Variants in CSMD3 observed in about 807,000 individuals in gnomAD.
CSMD3 encodes the protein CUB and sushi domain-containing protein 3.
In CSMD3, 177 loss-of-function variants were observed where a neutral mutation model predicts 435.2. The observed-to-expected ratio is 0.41, with a 90% CI of 0.36 to 0.46. CSMD3 has a LOEUF of 0.46. CSMD3 is among the 20% of genes least tolerant of loss of function. The pLI is 0.34. For synonymous variants in CSMD3, 1,656 were observed against 1,520.5 expected, an observed-to-expected ratio of 1.09 and a Z score of -2.07; for missense variants, 4,265 against 4,504.6, an observed-to-expected ratio of 0.95 and a Z score of 1.52.
intron 5 of CSMD3, among the ~76,000 whole-genome samples, chr8:113,096,754 A>G (rs924324704): frequency 2.6e-5 from 4 of 152,070 alleles, no homozygotes; most frequent in Non-Finnish European, 5.9e-5. Flanking sequence ...CTACAACACA[A>G]TAAGGCCCAC....
intron 10 of CSMD3, among the ~76,000 whole-genome samples, chr8:112,868,373 A>G (rs537631499): frequency 6.8e-4 from 104 of 152,164 alleles, no homozygotes; most frequent in Non-Finnish European, 1.2e-3. Context: ...AAATACTTAA[A>G]CCACTAACAT....
intron 5 of CSMD3, among the ~76,000 whole-genome samples, chr8:113,034,863 T>C (rs994912310): frequency 2.0e-5 from 3 of 151,960 alleles, no homozygotes; most frequent in Admixed American, 2.0e-4. Flanking sequence ...TTATAGAAAA[T>C]AAATTCATCA....
intron 13 of CSMD3, among the ~76,000 whole-genome samples, chr8:112,710,423 A>T (rs1015834100): frequency 2.0e-5 from 3 of 152,116 alleles, no homozygotes; most frequent in African/African-American, 7.2e-5. Flanking sequence ...TGCTTATCCA[A>T]TAATAAAAAT....
chr8:113,349,651 T>C (rs2094176225), intron 1 of CSMD3, among the ~76,000 whole-genome samples: 1 of 152,002 alleles, frequency 6.6e-6, no homozygotes, highest in African/African-American at 2.4e-5. Flanking sequence ...TCCTTATATA[T>C]CTATATTAAA....
At chr8:112,229,121 G>T (rs868177009) in intron 69 of CSMD3, among the ~76,000 whole-genome samples, 4 of 152,112 alleles carry the variant, frequency 2.6e-5, no homozygotes, top group African/African-American at 2.4e-5. Context: ...GCAGAGCCCC[G>T]AACTAAGGAG....
intron 38 of CSMD3, among the ~76,000 whole-genome samples, chr8:112,359,917 C>T (rs943625351): frequency 6.6e-6 from 1 of 151,964 alleles, no homozygotes; most frequent in African/African-American, 2.4e-5. Flanking sequence ...TAAGGGTTTA[C>T]AACTTTCTTC....
chr8:113,063,432 C>A (rs997669689), intron 5 of CSMD3, among the ~76,000 whole-genome samples: 4 of 151,946 alleles, frequency 2.6e-5, no homozygotes, highest in Non-Finnish European at 5.9e-5. Flanking sequence ...ATAGCATGCA[C>A]AATCTTTAAT....
At chr8:112,709,719 A>G (rs1043906556) in intron 13 of CSMD3, among the ~76,000 whole-genome samples, 1 of 152,094 alleles carries the variant, frequency 6.6e-6, no homozygotes, top group Non-Finnish European at 1.5e-5. Context: ...AGGCAAAGTA[A>G]ATATAAACAA....
chr8:112,596,958 T>G (rs1362330988), intron 22 of CSMD3, among the ~76,000 whole-genome samples: 1 of 151,704 alleles, frequency 6.6e-6, no homozygotes, highest in Non-Finnish European at 1.5e-5. Context: ...TTAAAAGAAC[T>G]AGAAAAGCAA....
chr8:112,835,827 A>G (rs992124130), intron 11 of CSMD3, among the ~76,000 whole-genome samples: 3 of 151,860 alleles, frequency 2.0e-5, no homozygotes, highest in African/African-American at 4.8e-5. Flanking sequence ...GCTGTGGAGC[A>G]CTATGACAAG....
At chr8:112,293,668 CTAT>C (rs1819992727) in intron 54 of CSMD3, among the ~76,000 whole-genome samples, 1 of 152,054 alleles carries the variant, frequency 6.6e-6, no homozygotes, top group Non-Finnish European at 1.5e-5. Flanking sequence ...CTGTGTCCCA[CTAT>C]AAATTTTACA....
intron 22 of CSMD3, among the ~76,000 whole-genome samples, chr8:112,592,582 T>C (rs764455968): frequency 9.9e-5 from 15 of 152,160 alleles, no homozygotes; most frequent in Non-Finnish European, 1.9e-4. Context: ...TGTGGAATTA[T>C]ATTTTTGTGT....
At chr8:112,516,967 G>T in intron 28 of CSMD3, 67 bp downstream of exon 28, 3 of 1,249,032 alleles carry the variant, frequency 2.4e-6, no homozygotes, top group Non-Finnish European at 3.5e-6. Context: ...TGGTTCTTAA[G>T]AACAATACCA....
At chr8:112,995,933 G>A (rs1411176430) in intron 6 of CSMD3, among the ~76,000 whole-genome samples, 5 of 151,354 alleles carry the variant, frequency 3.3e-5, no homozygotes, top group Admixed American at 1.3e-4. Context: ...AGGAGGTTTA[G>A]AATCTTAATT....
chr8:113,409,707 T>G (rs1375993257), intron 1 of CSMD3, among the ~76,000 whole-genome samples: 2 of 152,188 alleles, frequency 1.3e-5, no homozygotes, highest in African/African-American at 4.8e-5. Context: ...CTTAAGCCAT[T>G]TGGTCACTTC....
chr8:112,282,197 A>C (rs1047687707), intron 58 of CSMD3, among the ~76,000 whole-genome samples: 1 of 151,784 alleles, frequency 6.6e-6, no homozygotes, highest in African/African-American at 2.4e-5. Flanking sequence ...CTGCATCTTA[A>C]ATATTTCTTT....
At chr8:113,172,823 G>A (rs1054618238) in intron 4 of CSMD3, among the ~76,000 whole-genome samples, 2 of 152,054 alleles carry the variant, frequency 1.3e-5, no homozygotes, top group Non-Finnish European at 2.9e-5. Flanking sequence ...TGCTTACTAA[G>A]GAAAAAAAGA....
At chr8:112,663,862 A>G (rs891953614) in intron 17 of CSMD3, among the ~76,000 whole-genome samples, 2 of 152,206 alleles carry the variant, frequency 1.3e-5, no homozygotes, top group African/African-American at 4.8e-5. Flanking sequence ...GAGAGAGTGC[A>G]GCAGCCTCAG....
intron 30 of CSMD3, among the ~76,000 whole-genome samples, chr8:112,495,767 G>T (rs565887893): frequency 1.3e-5 from 2 of 152,012 alleles, no homozygotes; most frequent in Non-Finnish European, 2.9e-5. Context: ...GCTTAATAGT[G>T]ATTTGCCTAC....
Sources: gnomAD v4.1 joint callset for allele counts (sites outside exome capture counted in the v4.1 genomes callset) on GRCh38, gnomAD v4.1.1 for gene constraint, MANE v1.5 for transcripts, NCBI Gene and HGNC (gene_info 2026-07-23, HGNC 2026-07-21) for gene names.